Variants in FILIP1L observed in about 807,000 individuals in gnomAD.
FILIP1L encodes the protein filamin A interacting protein 1 like, also known as filamin A-interacting protein 1-like.
FILIP1L carries 55 observed loss-of-function variants against 96.6 expected under a neutral mutation model. The observed-to-expected ratio is 0.57, with a 90% confidence interval of 0.46 to 0.71. FILIP1L has a LOEUF of 0.71. Among genes scored for constraint, FILIP1L ranks in the 30% least tolerant of loss-of-function variants. The pLI, the probability that FILIP1L is intolerant of heterozygous loss-of-function variation, is 0.00. For missense variants in FILIP1L, 1,304 were observed against 1,321.2 expected, an observed-to-expected ratio of 0.99 and a Z score of 0.20; for synonymous variants, 467 against 473.9, an observed-to-expected ratio of 0.99 and a Z score of 0.19.
chr3:99,974,084 G>A (rs1708899122), intron 1 of FILIP1L, among the ~76,000 whole-genome samples: 1 of 152,148 alleles, frequency 6.6e-6, no homozygotes, highest in South Asian at 2.1e-4. Flanking sequence ...AGGCAGACTG[G>A]GGAACTATGT....
At chr3:99,881,128 C>T (rs941842018) in intron 4 of FILIP1L, among the ~76,000 whole-genome samples, 35 of 152,056 alleles carry the variant, frequency 2.3e-4, no homozygotes, top group Non-Finnish European at 3.4e-4. Flanking sequence ...AGACTTCCTA[C>T]CCTTGGTTTA....
rs1051267545 is a variant in FILIP1L at position 99,830,295 on chromosome 3, G to A, written c.*119C>T. On this transcript the variant is annotated 3_prime_UTR_variant, in exon 6 of 6. Coordinates refer to ENST00000477258, the MANE Select transcript of FILIP1L (RefSeq NM_001387850.1). The stretch of plus-strand genomic sequence containing the variant: ...CTTTTTGGGGGATGATCTTCATCAG[G>A]TCCACAAAGCTGCTTCACCATTTCC... The A allele has an allele frequency of 2.9e-6, 1 of 346,074 alleles. No homozygotes were observed. The highest frequency in any genetic ancestry group is 2.1e-5 in the African/African-American group (1 of 46,714). 21.4% of individuals were successfully genotyped at this position (346,074 alleles called of 1,614,324 possible). A position where few individuals can be genotyped will look rare whatever the true frequency, so the allele number is the denominator to read the frequency against.
chr3:100,007,824 A>G (rs1293946778), intron 1 of FILIP1L, among the ~76,000 whole-genome samples: 1 of 152,264 alleles, frequency 6.6e-6, no homozygotes, highest in African/African-American at 2.4e-5. Context: ...GGCCACTGCC[A>G]GCCACTGAGG....
chr3:100,085,853 G>A (rs529105495), intron 1 of FILIP1L, among the ~76,000 whole-genome samples: 2 of 152,280 alleles, frequency 1.3e-5, no homozygotes, highest in East Asian at 3.9e-4. Context: ...CAGGAAAAGA[G>A]GTGGTTACAT....
At chr3:99,894,843 G>A (rs148266774) in intron 4 of FILIP1L, among the ~76,000 whole-genome samples, 4 of 152,266 alleles carry the variant, frequency 2.6e-5, no homozygotes, top group Non-Finnish European at 4.4e-5. Context: ...ATTACAGTAC[G>A]GAGTAGAGAA....
intron 1 of FILIP1L, among the ~76,000 whole-genome samples, chr3:99,950,263 T>G (rs1193088499): frequency 6.6e-6 from 1 of 152,220 alleles, no homozygotes; most frequent in Non-Finnish European, 1.5e-5. Context: ...TAGACTATAT[T>G]ACTGGAAAAG....
intron 1 of FILIP1L, among the ~76,000 whole-genome samples, chr3:99,978,661 A>G (rs1478054155): frequency 6.6e-6 from 1 of 152,176 alleles, no homozygotes; most frequent in Non-Finnish European, 1.5e-5. Flanking sequence ...TTGGGTGTCC[A>G]AGGTGGGTGA....
chr3:99,998,134 G>A (rs1380687128), intron 1 of FILIP1L, among the ~76,000 whole-genome samples: 1 of 152,218 alleles, frequency 6.6e-6, no homozygotes, highest in African/African-American at 2.4e-5. Context: ...TACTGAAAGA[G>A]TTTCTAATCT....
intron 1 of FILIP1L, among the ~76,000 whole-genome samples, chr3:100,062,246 G>C (rs1468670744): frequency 6.6e-6 from 1 of 151,216 alleles, no homozygotes; most frequent in East Asian, 1.9e-4. Context: ...CGAGTAGCTG[G>C]GACTACAGGC....
intron 5 of FILIP1L, chr3:99,833,171 C>G: frequency 6.9e-7 from 1 of 1,439,736 alleles, no homozygotes; most frequent in Non-Finnish European, 9.7e-7. Flanking sequence ...TTAATAAATG[C>G]TTAACCCAGT....
chr3:100,094,480 T>G (rs1210940034), intron 1 of FILIP1L, among the ~76,000 whole-genome samples: 3 of 152,114 alleles, frequency 2.0e-5, no homozygotes, highest in Non-Finnish European at 2.9e-5. Flanking sequence ...CTTTTGGTGT[T>G]AAGTATAAAA....
chr3:100,038,286 T>A (rs2065144566), intron 1 of FILIP1L, among the ~76,000 whole-genome samples: 1 of 152,148 alleles, frequency 6.6e-6, no homozygotes, highest in African/African-American at 2.4e-5. Context: ...ATATAACTCT[T>A]ACAGAAATAA....
In FILIP1L at chr3:99,980,390, A is replaced by G. The variant is rs78641679; in HGVS notation, c.-10-49360T>C. Among the ~76,000 whole-genome samples the G allele has an allele frequency of 7.0e-3, 1,070 of 152,276 alleles. 15 individuals carry two copies. Among genetic ancestry groups the G allele is most frequent in the African/African-American group, 0.024 (989 of 41,558 alleles). On this transcript the variant is annotated intron_variant, in intron 1 of 5. Coordinates refer to ENST00000477258, the MANE Select transcript of FILIP1L (RefSeq NM_001387850.1). ...AATTTTTCAGTTTGGGGAAAGGAATATGGTATAGTACATCAGATATGTTAG... is the reference window on the plus strand; with the variant it reads ...AATTTTTCAGTTTGGGGAAAGGAATGTGGTATAGTACATCAGATATGTTAG...
At chr3:100,022,805 A>C (rs1168459355) in intron 1 of FILIP1L, among the ~76,000 whole-genome samples, 5 of 152,202 alleles carry the variant, frequency 3.3e-5, no homozygotes, top group Non-Finnish European at 7.3e-5. Flanking sequence ...ACATCAGTGC[A>C]TGGGCCTCAA....
intron 1 of FILIP1L, among the ~76,000 whole-genome samples, chr3:100,082,296 T>C (rs1039132772): frequency 3.3e-5 from 5 of 152,214 alleles, no homozygotes; most frequent in African/African-American, 1.2e-4. Flanking sequence ...TAAATACTAC[T>C]TATTACTCAT....
At chr3:99,970,639 G>A (rs1011628161) in intron 1 of FILIP1L, among the ~76,000 whole-genome samples, 2 of 152,210 alleles carry the variant, frequency 1.3e-5, no homozygotes, top group Non-Finnish European at 2.9e-5. Context: ...AGGGTCACAA[G>A]AGTTTAAAAA....
intron 1 of FILIP1L, among the ~76,000 whole-genome samples, chr3:100,029,471 A>G (rs1302047116): frequency 1.3e-5 from 2 of 152,160 alleles, no homozygotes; most frequent in African/African-American, 4.8e-5. Context: ...TTGCCAAGTT[A>G]CTATCACATT....
intron 4 of FILIP1L, among the ~76,000 whole-genome samples, chr3:99,859,875 T>C (rs1315142881): frequency 1.3e-5 from 2 of 152,222 alleles, no homozygotes; most frequent in African/African-American, 2.4e-5. Flanking sequence ...CTCATAAAAA[T>C]AGCTGTGACC....
intron 1 of FILIP1L, among the ~76,000 whole-genome samples, chr3:99,973,904 A>G (rs954555860): frequency 1.4e-4 from 22 of 152,180 alleles, no homozygotes; most frequent in African/African-American, 5.3e-4. Flanking sequence ...TATATAATTG[A>G]TAAATAACTT....
Sources: allele counts gnomAD v4.1 joint callset (sites outside exome capture counted in the v4.1 genomes callset), GRCh38; gene constraint gnomAD v4.1.1; transcripts MANE v1.5; gene names NCBI Gene and HGNC (gene_info 2026-07-23, HGNC 2026-07-21).